PRAG1: variants seen among roughly 807,000 people sequenced by gnomAD.
PRAG1 encodes the protein inactive tyrosine-protein kinase PRAG1.
Under a neutral mutation model 95.6 loss-of-function variants are expected in PRAG1, and 110 were observed. The ratio of observed to expected loss-of-function variants is 1.15; its 90% confidence interval spans 0.99 to 1.35. The LOEUF (loss-of-function observed/expected upper bound fraction) is 1.35, where lower values mean the gene tolerates loss of function less well. Ranked by LOEUF, PRAG1 falls within the 40% of genes most tolerant of loss-of-function variation. PRAG1 has a pLI of 0.00. For synonymous variants in PRAG1, 1,052 were observed against 819.4 expected, an observed-to-expected ratio of 1.28 and a Z score of -4.85; for missense variants, 2,554 against 1,864.7, an observed-to-expected ratio of 1.37 and a Z score of -6.81.
chr8:8,371,826 C>G (rs1291702827), intron 3 of PRAG1, among the ~76,000 whole-genome samples: 1 of 152,138 alleles, frequency 6.6e-6, no homozygotes, highest in Non-Finnish European at 1.5e-5. Context: ...GATGGCACCA[C>G]TGCACTCCAG....
chr8:8,339,346 A>G, intron 4 of PRAG1, 132 bp downstream of exon 4: 1 of 925,430 alleles, frequency 1.1e-6, no homozygotes. Flanking sequence ...TCCCTGGAAG[A>G]GTCTACTTCA....
chr8:8,381,286 T>G, intron 2 of PRAG1, 132 bp downstream of exon 2: 1 of 827,110 alleles, frequency 1.2e-6, no homozygotes, highest in Non-Finnish European at 1.9e-6. Context: ...AGGAGCCATC[T>G]CAGGGCAAAC....
chr8:8,356,067 C>T (rs1181028643), intron 3 of PRAG1, among the ~76,000 whole-genome samples: 2 of 152,160 alleles, frequency 1.3e-5, no homozygotes, highest in Non-Finnish European at 2.9e-5. Flanking sequence ...AGAATTCTTA[C>T]AACTCAATAG....
intron 3 of PRAG1, among the ~76,000 whole-genome samples, chr8:8,349,984 G>GCA (rs139453472): frequency 2.8e-4 from 41 of 145,470 alleles, no homozygotes; most frequent in Non-Finnish European, 5.6e-4. Context: ...ACACATACAT[G>GCA]CACACACACA....
Position 8,319,300 on chromosome 8 carries a change from G to C in PRAG1, c.3075C>G (p.Ile1025Met). Residue 1025 changes from isoleucine (I) to methionine (M), a missense_variant and splice_region_variant, in exon 6 of 6, where the codon ATC becomes ATG. Coordinates refer to ENST00000615670, the MANE Select transcript of PRAG1 (RefSeq NM_001080826.3). ...CTGTTTTGGGCTCAGGGGCTTTGCA[G>C]ATCTGTGGAGAGAAGAAGAAGTGAA... is the stretch of plus-strand genomic sequence containing the variant. ...EDPGSTYAVK[I>M]CKAPEPKTVS... 2.7e-6 allele frequency: 4 copies of C among 1,504,584 alleles called. No homozygotes were observed. Among genetic ancestry groups the C allele is most frequent in the Non-Finnish European group, 3.6e-6 (4 of 1,124,724 alleles). The allele number at this position is 1,504,584 out of a possible 1,614,324, so 93.2% of individuals were successfully genotyped here.
intron 1 of PRAG1, among the ~76,000 whole-genome samples, chr8:8,382,599 G>C (rs1214335526): frequency 1.3e-5 from 2 of 152,232 alleles, no homozygotes. Flanking sequence ...AGAGAGAAGA[G>C]ATTAACGAAG....
In PRAG1 at chr8:8,376,451, C is replaced by G; in HGVS notation, c.1958G>C (p.Ser653Thr). 6.2e-7 allele frequency: 1 copy of G among 1,614,128 alleles called. No individual in the cohort carries two copies. The highest frequency in any genetic ancestry group is 8.5e-7 in the Non-Finnish European group (1 of 1,180,002). The change falls in exon 3 of 6, where the codon AGC (serine) becomes ACC (threonine). Residue 653 changes from serine to threonine, a missense_variant. By Grantham distance (58) the Ser-to-Thr change is moderately conservative (BLOSUM62 1). Transcript: ENST00000615670. Reference protein sequence around the residue: ...EEVEQELLSHSWGRETKNGPT... With the variant: ...EEVEQELLSHTWGRETKNGPT... ...GCCATTTTTGGTCTCTCTTCCCCAG[C>G]TGTGACTCAGCAATTCCTGCTCCAC...
At chr8:8,324,439 G>A (rs1365966964) in intron 5 of PRAG1, among the ~76,000 whole-genome samples, 1 of 152,234 alleles carries the variant, frequency 6.6e-6, no homozygotes, top group Non-Finnish European at 1.5e-5. Flanking sequence ...CAACGGAGAA[G>A]GCTGCGTTGG....
intron 3 of PRAG1, among the ~76,000 whole-genome samples, chr8:8,373,333 A>G (rs1485081445): frequency 6.6e-6 from 1 of 152,222 alleles, no homozygotes; most frequent in Non-Finnish European, 1.5e-5. Flanking sequence ...CCGAAAGATA[A>G]TGTCAGTAAT....
chr8:8,325,803 C>A lies in PRAG1; in HGVS notation c.3072+1907G>T, dbSNP rs527884366. On this transcript the variant is annotated intron_variant, in intron 5 of 5. Transcript: ENST00000615670. ...GGGGCGGCGCCTGTAGTCCCAGTTACTCAGGAGACTGAGGCAGGAGAATCG... is the reference window on the plus strand; with the variant it reads ...GGGGCGGCGCCTGTAGTCCCAGTTAATCAGGAGACTGAGGCAGGAGAATCG... Among the ~76,000 whole-genome samples the A allele has an allele frequency of 2.9e-4, 44 of 152,050 alleles. No individual in the cohort carries two copies. In the East Asian group the frequency reaches 4.8e-3, roughly 17 times the overall value.
intron 5 of PRAG1, among the ~76,000 whole-genome samples, chr8:8,324,941 T>A (rs1174437274): frequency 6.6e-6 from 1 of 152,216 alleles, no homozygotes; most frequent in African/African-American, 2.4e-5. Context: ...TGCAGGGCGC[T>A]GAGCCCAAAG....
At chr8:8,382,173 G>A (rs1362538681) in intron 1 of PRAG1, among the ~76,000 whole-genome samples, 1 of 152,188 alleles carries the variant, frequency 6.6e-6, no homozygotes, top group Non-Finnish European at 1.5e-5. Context: ...GGTTTAAGAT[G>A]AGAAGCTGGT....
intron 3 of PRAG1, among the ~76,000 whole-genome samples, chr8:8,375,389 AG>A (rs1184181198): frequency 6.6e-6 from 1 of 152,002 alleles, no homozygotes; most frequent in African/African-American, 2.4e-5. Context: ...TTTTTAGTAG[AG>A]ACGGGGTTTC....
chr8:8,340,369 G>A (rs192392305), intron 3 of PRAG1, among the ~76,000 whole-genome samples: 12 of 152,314 alleles, frequency 7.9e-5, no homozygotes, highest in Admixed American at 4.6e-4. Flanking sequence ...ATTAGGTTGG[G>A]TGTTTAGCTT....
intron 4 of PRAG1, among the ~76,000 whole-genome samples, chr8:8,329,811 G>C (rs2117120697): frequency 6.6e-6 from 1 of 152,328 alleles, no homozygotes; most frequent in Non-Finnish European, 1.5e-5. Context: ...TCCACAGGGA[G>C]GAGGGTCTCT....
rs192294051 is a variant in PRAG1 at position 8,348,077 on chromosome 8, C to T, written c.2163-8442G>A. 2.3e-3 allele frequency among the ~76,000 whole-genome samples: 349 copies of T among 152,286 alleles called. 3 individuals carry two copies. The highest frequency in any genetic ancestry group is 0.013 in the South Asian group (65 of 4,824). ...GACTACAGGTGCATGCCACCACACC[C>T]GGTTAAGTTTTGTATTTTTAAGAGA... On this transcript the variant is annotated intron_variant, in intron 3 of 5. Coordinates refer to ENST00000615670, the MANE Select transcript of PRAG1 (RefSeq NM_001080826.3).
chr8:8,348,640 C>T (rs1260826835), intron 3 of PRAG1, among the ~76,000 whole-genome samples: 1 of 152,078 alleles, frequency 6.6e-6, no homozygotes, highest in Non-Finnish European at 1.5e-5. Context: ...CTCCTCTCTC[C>T]CTTTCAAACC....
Position 8,327,935 on chromosome 8 carries a change from C to T in PRAG1, c.2847G>A (p.Glu949=). 6.2e-7 allele frequency: 1 copy of T among 1,613,176 alleles called. No individual in the cohort carries two copies. The highest frequency in any genetic ancestry group is 8.5e-7 in the Non-Finnish European group (1 of 1,179,418). The change falls in exon 5 of 6, where the codon GAG becomes GAA. Residue 949 remains glutamate (E), a synonymous_variant. Transcript: ENST00000615670. ...HGLLSNISSK[E]GTYAKLGGLY... ...GTCCCCCCAGCTTGGCATAGGTGCC[C>T]TCCTTGCTGCTGATGTTGCTCAGGA...
Position 8,377,535 on chromosome 8 carries a change from C to T in PRAG1, c.874G>A (p.Gly292Arg). The T allele has an allele frequency of 6.3e-7, 1 of 1,589,724 alleles. No homozygotes were observed. ...TGCTCTGCGGGCCCGGAACACTTCC[C>T]CTGCTCCCAGCACGTGGGTGAGCAG... ...RDCSPTCWEQGKCSGPAEQEK... is the reference protein window; with the variant it reads ...RDCSPTCWEQRKCSGPAEQEK... The change falls in exon 3 of 6, where the codon GGG (glycine) becomes AGG (arginine). Residue 292 changes from glycine to arginine, a missense_variant. Physicochemically the swap from Gly to Arg is moderately radical, Grantham distance 125. Transcript: ENST00000615670.
Sources: allele counts gnomAD v4.1 joint callset (sites outside exome capture counted in the v4.1 genomes callset), GRCh38; gene constraint gnomAD v4.1.1; transcripts MANE v1.5; gene names NCBI Gene and HGNC (gene_info 2026-07-23, HGNC 2026-07-21).